The following NUMB variants were observed in gnomAD, a reference collection of about 807,000 sequenced individuals.
NUMB encodes protein numb homolog.
NUMB carries 29 observed loss-of-function variants against 59.7 expected under a neutral mutation model. The observed-to-expected ratio is 0.49, with a 90% CI of 0.36 to 0.66. The LOEUF (loss-of-function observed/expected upper bound fraction) is 0.66. Among genes scored for constraint, NUMB ranks in the 30% least tolerant of loss-of-function variants. NUMB has a pLI of 0.00. For synonymous variants in NUMB, 288 were observed against 288.2 expected (o/e 1.00, Z 0.01); for missense variants, 723 against 822.0 (o/e 0.88, Z 1.47).
chr14:73,300,117 C>T (rs1041787241), intron 6 of NUMB, among the ~76,000 whole-genome samples: 6 of 152,116 alleles, frequency 3.9e-5, no homozygotes, highest in African/African-American at 1.4e-4. Flanking sequence ...GAGTGATATA[C>T]ATTTTCAACA....
At chr14:73,362,646 A>G (rs913828499) in intron 3 of NUMB, among the ~76,000 whole-genome samples, 2 of 151,904 alleles carry the variant, frequency 1.3e-5, no homozygotes, top group Admixed American at 6.6e-5. Context: ...ACGTTACCCA[A>G]GCTGGTTTTG....
intron 9 of NUMB, among the ~76,000 whole-genome samples, chr14:73,285,841 G>C (rs1258109334): frequency 6.6e-6 from 1 of 151,350 alleles, no homozygotes; most frequent in Non-Finnish European, 1.5e-5. Context: ...CAGGAGAATC[G>C]CTTGAGCCCA....
intron 4 of NUMB, 26 bp downstream of exon 4, chr14:73,355,600 A>G: frequency 3.1e-6 from 5 of 1,594,830 alleles, no homozygotes; most frequent in Non-Finnish European, 4.3e-6. Flanking sequence ...TTCCACATAC[A>G]GACTTATAGA....
chr14:73,345,438 A>G (rs974891132), intron 4 of NUMB, among the ~76,000 whole-genome samples: 14 of 152,216 alleles, frequency 9.2e-5, no homozygotes, highest in African/African-American at 3.4e-4. Context: ...CCCCAGTGAC[A>G]TGCAATTTAC....
At chr14:73,391,192 G>C (rs756781351) in intron 2 of NUMB, among the ~76,000 whole-genome samples, 16 of 151,824 alleles carry the variant, frequency 1.1e-4, no homozygotes, top group Non-Finnish European at 2.1e-4. Flanking sequence ...TCATAGGACT[G>C]TATAAGGAAT....
intron 1 of NUMB, among the ~76,000 whole-genome samples, chr14:73,428,486 C>A (rs556725374): frequency 6.6e-6 from 1 of 152,296 alleles, no homozygotes; most frequent in East Asian, 1.9e-4. Context: ...CTCCCAAAGT[C>A]ACATAAGCAG....
rs144348808 is a variant in NUMB, at chr14:73,313,082, G to A, written c.234+3308C>T. On this transcript the variant is annotated intron_variant, in intron 6 of 12. Coordinates refer to ENST00000555238, the MANE Select transcript of NUMB (RefSeq NM_001005743.2). The stretch of plus-strand genomic sequence containing the variant: ...GCTCACTGCAACCTCCACCTCCCGG[G>A]TTCAAGCAATTCTCCTGCCTCAGCC... Among the ~76,000 whole-genome samples the A allele has an allele frequency of 2.2e-3, 330 of 151,876 alleles. 11 individuals are homozygous for A. In the East Asian group the frequency reaches 0.052, roughly 24 times the overall value.
chr14:73,370,130 G>T (rs957342161), intron 2 of NUMB, among the ~76,000 whole-genome samples: 1 of 151,948 alleles, frequency 6.6e-6, no homozygotes, highest in African/African-American at 2.4e-5. Context: ...GGTAGTGGGG[G>T]GGGTGGGACC....
chr14:73,438,125 C>A (rs1403120735), intron 1 of NUMB, among the ~76,000 whole-genome samples: 8 of 152,162 alleles, frequency 5.3e-5, no homozygotes, highest in Admixed American at 1.3e-4. Context: ...GTTTTGCTCT[C>A]CTGAGAGCTC....
At chr14:73,434,857 C>T (rs1036395491) in intron 1 of NUMB, among the ~76,000 whole-genome samples, 2 of 152,114 alleles carry the variant, frequency 1.3e-5, no homozygotes, top group Non-Finnish European at 2.9e-5. Context: ...CATGAATTAT[C>T]ACTATATGAA....
At chr14:73,424,596 G>C (rs1897501137) in intron 1 of NUMB, among the ~76,000 whole-genome samples, 1 of 152,132 alleles carries the variant, frequency 6.6e-6, no homozygotes, top group East Asian at 1.9e-4. Context: ...CTCAGGGCTT[G>C]ATGTAAGAGG....
At chr14:73,368,625 T>C (rs752933807) in intron 2 of NUMB, among the ~76,000 whole-genome samples, 2 of 151,806 alleles carry the variant, frequency 1.3e-5, no homozygotes, top group African/African-American at 4.8e-5. Flanking sequence ...ACACAGCAAT[T>C]GGGATAAACT....
intron 4 of NUMB, among the ~76,000 whole-genome samples, chr14:73,326,497 G>C (rs1461520859): frequency 6.6e-6 from 1 of 151,986 alleles, no homozygotes; most frequent in African/African-American, 2.4e-5. Context: ...CATGGTGGCA[G>C]GCGCCTGTAA....
At chr14:73,378,975 A>G (rs1895101497) in intron 2 of NUMB, among the ~76,000 whole-genome samples, 1 of 151,994 alleles carries the variant, frequency 6.6e-6, no homozygotes, top group African/African-American at 2.4e-5. Context: ...AAATATGGGA[A>G]CTCTCTGTAC....
chr14:73,384,240 C>G (rs747632951), intron 2 of NUMB, among the ~76,000 whole-genome samples: 60 of 151,816 alleles, frequency 4.0e-4, no homozygotes, highest in Non-Finnish European at 7.1e-4. Flanking sequence ...AGGGGCCCAC[C>G]ACCATGCCCA....
chr14:73,335,229 A>G (rs1476470063), intron 4 of NUMB, among the ~76,000 whole-genome samples: 2 of 150,072 alleles, frequency 1.3e-5, no homozygotes, highest in African/African-American at 2.5e-5. Flanking sequence ...AGTATTTCCA[A>G]TGGGCATCAT....
At chr14:73,395,030 CGTGTGTTTGTGTGTGTGTGTGT>C (rs1378148262) in intron 2 of NUMB, among the ~76,000 whole-genome samples, 27 of 58,258 alleles carry the variant, frequency 4.6e-4, no homozygotes, top group African/African-American at 8.8e-4. Context: ...GAATAGTATT[CGTGTGTTTGTGTGTGTGTGTGT>C]GTGTGTGTGT....
chr14:73,440,494 T>C (rs1459119673), intron 1 of NUMB, among the ~76,000 whole-genome samples: 2 of 151,622 alleles, frequency 1.3e-5, no homozygotes, highest in African/African-American at 2.4e-5. Flanking sequence ...GTATAAATAT[T>C]CACAACCTTG....
intron 4 of NUMB, among the ~76,000 whole-genome samples, chr14:73,325,974 C>G (rs548092324): frequency 2.0e-5 from 3 of 152,204 alleles, no homozygotes; most frequent in African/African-American, 7.2e-5. Context: ...TCTCTGATCT[C>G]CTGCCATTTG....
Sources: gnomAD v4.1 joint callset for allele counts (sites outside exome capture counted in the v4.1 genomes callset) on GRCh38, gnomAD v4.1.1 for gene constraint, MANE v1.5 for transcripts, NCBI Gene and HGNC (gene_info 2026-07-23, HGNC 2026-07-21) for gene names.